Variants in ATAD3C observed in about 807,000 individuals in gnomAD.
ATAD3C encodes the protein ATPase family AAA domain-containing protein 3C.
Under a neutral mutation model 46.3 loss-of-function variants are expected in ATAD3C, and 38 were observed. That is an observed-to-expected ratio of 0.82 (90% confidence interval 0.63 to 1.08). ATAD3C has a LOEUF of 1.08. Among genes scored for constraint, ATAD3C ranks in the 50% least tolerant of loss-of-function variants. The pLI is 0.00. For missense variants in ATAD3C, 563 were observed against 572.7 expected (o/e 0.98, Z 0.17); for synonymous variants, 220 against 236.4 (o/e 0.93, Z 0.63).
In ATAD3C at chr1:1,468,757, CAG is replaced by C. The variant is rs1639188565; in HGVS notation, c.*230_*231del. 1.2e-6 allele frequency: 1 copy of C among 819,234 alleles called. No homozygotes were observed. The highest frequency in any genetic ancestry group is 1.9e-6 in the Non-Finnish European group (1 of 539,180). 50.7% of individuals were successfully genotyped at this position (819,234 alleles called of 1,614,324 possible). ...TGGGGCTTTCTGGAGGATTTAACCA[CAG>C]AGGGGTGGGCTTCACAGGAGGTGGC... On this transcript the variant is annotated 3_prime_UTR_variant, in exon 12 of 12. Coordinates refer to ENST00000378785, the MANE Select transcript of ATAD3C (RefSeq NM_001039211.3).
At chr1:1,463,077 G>GT (rs1639096248) in intron 11 of ATAD3C, among the ~76,000 whole-genome samples, 1 of 152,116 alleles carries the variant, frequency 6.6e-6, no homozygotes, top group South Asian at 2.1e-4. Flanking sequence ...GGTGGTGGGG[G>GT]TGGAGGGACG....
rs1236162765 is a variant in ATAD3C at position 1,457,608 on chromosome 1, AAAAAAAC to A, written c.741+435_741+441del. On this transcript the variant is annotated intron_variant, in intron 8 of 11. Transcript: ENST00000378785. ...GAGACTTCATCTCAAAAAAAAAAAAAAAAAAACAAAAAAAACAGCATTTTTTTAGGTC... is the reference window on the plus strand; with the variant it reads ...GAGACTTCATCTCAAAAAAAAAAAAAAAAAAAAACAGCATTTTTTTAGGTC... Among the ~76,000 whole-genome samples, 25 of 150,460 alleles carry A rather than the reference AAAAAAAC, an allele frequency of 1.7e-4. 1 individual carries two copies. The highest frequency in any genetic ancestry group is 5.6e-4 in the African/African-American group (23 of 40,732).
At chr1:1,460,688 G>A (rs1639041310) in intron 9 of ATAD3C, 62 bp from the exon 10 acceptor site, 1 of 1,502,836 alleles carries the variant, frequency 6.7e-7, no homozygotes, top group Non-Finnish European at 8.9e-7. Flanking sequence ...AGGAGCACCT[G>A]TTCCCCTGGG....
At position 1,457,078 on chromosome 1, in the gene ATAD3C, G is replaced by T. The variant is rs190267389; in HGVS notation, c.690-51G>T. 1.5e-3 allele frequency: 2,408 copies of T among 1,610,414 alleles called. 44 individuals are homozygous for T. Among genetic ancestry groups the T allele is most frequent in the South Asian group, 8.0e-3 (729 of 90,928 alleles). Reference sequence around the variant, plus strand: ...CCTGCCATGGCCGGACGCCGCTGTGGGCTGCTCCTGGCATCACTCTCACCC... The same window carrying T: ...CCTGCCATGGCCGGACGCCGCTGTGTGCTGCTCCTGGCATCACTCTCACCC... On this transcript the variant is annotated intron_variant, in intron 7 of 11. Coordinates refer to ENST00000378785, the MANE Select transcript of ATAD3C (RefSeq NM_001039211.3).
Position 1,462,792 on chromosome 1 carries a change from C to G in ATAD3C, c.1089+84C>G, listed in dbSNP as rs1013636378. 6.9e-7 allele frequency: 1 copy of G among 1,452,242 alleles called. No individual in the cohort carries two copies. The highest frequency in any genetic ancestry group is 1.4e-5 in the African/African-American group (1 of 71,298). The allele number at this position is 1,452,242 out of a possible 1,614,324, so 90.0% of individuals were successfully genotyped here. A position where few individuals can be genotyped will look rare whatever the true frequency, so the allele number is the denominator to read the frequency against. On this transcript the variant is annotated intron_variant, in intron 11 of 11. Transcript: ENST00000378785. This position sits in a 1 kb window ranked among gnomAD's most constrained non-coding sequence, Gnocchi z 4.5. ...GGTTGCGCCAGGCCTGTCCCAGCAC[C>G]GGTGTCACGTGGGAGCTTCTGTTGA... is the stretch of plus-strand genomic sequence containing the variant.
chr1:1,457,370 G>GCA, intron 8 of ATAD3C, among the ~76,000 whole-genome samples, 190 bp downstream of exon 8: 1 of 151,734 alleles, frequency 6.6e-6, no homozygotes, highest in African/African-American at 2.4e-5. Flanking sequence ...CGAGGCAAGT[G>GCA]GATCACGAGG....
chr1:1,452,078 G>A lies in ATAD3C; in HGVS notation c.108G>A (p.Glu36=). Residue 36 remains glutamate (E), a synonymous_variant, in exon 2 of 12, where the codon GAG becomes GAA. Coordinates refer to ENST00000378785, the MANE Select transcript of ATAD3C (RefSeq NM_001039211.3). ...TCAATGAGGATTTACGGAAGCAGGA[G>A]GAGTCCGTGCAGAAGCACCATCAGA... is the stretch of plus-strand genomic sequence containing the variant. ...QLVNEDLRKQ[E]ESVQKHHQTF... The A allele has an allele frequency of 6.2e-7, 1 of 1,613,710 alleles. No individual in the cohort carries two copies.
In ATAD3C at chr1:1,462,448, G is replaced by C; in HGVS notation, c.981-152G>C. 1 of 825,958 alleles carries C rather than the reference G, an allele frequency of 1.2e-6. No individual in the cohort carries two copies. Among genetic ancestry groups the C allele is most frequent in the East Asian group, 2.9e-5 (1 of 34,108 alleles). The allele number at this position is 825,958 out of a possible 1,614,324, so 51.2% of individuals were successfully genotyped here. On this transcript the variant is annotated intron_variant, in intron 10 of 11. Coordinates refer to ENST00000378785, the MANE Select transcript of ATAD3C (RefSeq NM_001039211.3). This position sits in a 1 kb window ranked among gnomAD's most constrained non-coding sequence, Gnocchi z 4.5. ...CTCAGCCCAGGCCTGGCTTGCGTCA[G>C]GAAGGGGGCGGAACTTGGCTGTCAC...
At position 1,468,636 on chromosome 1, in the gene ATAD3C, G is replaced by A. The variant is rs12089719; in HGVS notation, c.*106G>A. 0.056 allele frequency: 87,619 copies of A among 1,574,606 alleles called. 14,323 individuals carry two copies. Among genetic ancestry groups the A allele is most frequent in the East Asian group, 0.46 (20,175 of 44,014 alleles). ...AATACTCCCCGTAATAAAGTCCCAC[G>A]GGGGCCGCACCGCTGTGTCTATTGG... is the stretch of plus-strand genomic sequence containing the variant. On this transcript the variant is annotated 3_prime_UTR_variant, in exon 12 of 12. Transcript: ENST00000378785.
Position 1,450,104 on chromosome 1 carries a change from G to A in ATAD3C, c.-580G>A, listed in dbSNP as rs181945038. On this transcript the variant is annotated 5_prime_UTR_variant, in exon 1 of 12. Transcript: ENST00000378785. ...AGCACTTTGGGAGGCTGAGGTGGGC[G>A]GATCACGAGGTCAGGAGATCGAGAC... The A allele has an allele frequency of 5.7e-3, 869 of 152,404 alleles. 10 individuals carry two copies. Among genetic ancestry groups the A allele is most frequent in the Non-Finnish European group, 8.8e-3 (602 of 68,218 alleles). 9.4% of individuals were successfully genotyped at this position (152,404 alleles called of 1,614,324 possible).
rs375334051 is a variant in ATAD3C at position 1,467,213 on chromosome 1, C to T, written c.1090-1171C>T. ...GGTCCCGTGCTTCCTGGAGGGGTGGCTCCGTGAGCATCTGCTCACCCCCTT... is the reference window on the plus strand; with the variant it reads ...GGTCCCGTGCTTCCTGGAGGGGTGGTTCCGTGAGCATCTGCTCACCCCCTT... On this transcript the variant is annotated intron_variant, in intron 11 of 11. Transcript: ENST00000378785. Among the ~76,000 whole-genome samples the T allele has an allele frequency of 7.2e-5, 11 of 152,202 alleles. No homozygotes were observed. The East Asian group carries it at 1.7e-3, about 24-fold the overall frequency.
rs184156814 is a variant in ATAD3C at position 1,455,786 on chromosome 1, G to A, written c.439-5G>A. The A allele has an allele frequency of 3.8e-5, 62 of 1,613,102 alleles. No homozygotes were observed. Among genetic ancestry groups the A allele is most frequent in the East Asian group, 3.3e-4 (15 of 44,880 alleles). On this transcript the variant is annotated splice_polypyrimidine_tract_variant and splice_region_variant and intron_variant, in intron 5 of 11. Coordinates refer to ENST00000378785, the MANE Select transcript of ATAD3C (RefSeq NM_001039211.3). ...TGTCCTCCAAGCCCCTGTCTTCCTC[G>A]GCAGCCCAGCCTGGAAGCACGGGTG...
chr1:1,452,456 G>T (rs747573945), intron 3 of ATAD3C, 22 bp downstream of exon 3: 4 of 1,613,578 alleles, frequency 2.5e-6, no homozygotes, highest in Non-Finnish European at 1.7e-6. Flanking sequence ...CATAAAACAG[G>T]GCTGGCAGGT....
In ATAD3C at chr1:1,468,520, C is replaced by G; in HGVS notation, c.1226C>G (p.Pro409Arg). The G allele has an allele frequency of 6.2e-7, 1 of 1,606,660 alleles. No individual in the cohort carries two copies. Among genetic ancestry groups the G allele is most frequent in the Non-Finnish European group, 8.5e-7 (1 of 1,176,728 alleles). ...AGGCCTGGGCCCGAGGACGAGCAAC[C>G]CTCATCCTGAGTCCATGGGGAGACC... ...GERPGPEDEQPSS is the reference protein window; with the variant it reads ...GERPGPEDEQRSS Residue 409 changes from proline to arginine, a missense_variant, in exon 12 of 12, where the codon CCC becomes CGC. Physicochemically the swap from Pro to Arg is moderately radical, Grantham distance 103. Transcript: ENST00000378785.
intron 11 of ATAD3C, among the ~76,000 whole-genome samples, chr1:1,463,460 A>T (rs1639101782): frequency 6.6e-6 from 1 of 152,068 alleles, no homozygotes; most frequent in Non-Finnish European, 1.5e-5. Context: ...ATTTGAACGT[A>T]GGAGCCGGGG....
chr1:1,455,749 G>A (rs757528399), intron 5 of ATAD3C, 42 bp from the exon 6 acceptor site: 2 of 1,610,398 alleles, frequency 1.2e-6, no homozygotes, highest in African/African-American at 1.3e-5. Context: ...AGGCTTCTGT[G>A]GGTGCAGACT....
intron 2 of ATAD3C, 91 bp from the exon 3 acceptor site, chr1:1,452,274 C>T: frequency 6.3e-7 from 1 of 1,599,218 alleles, no homozygotes; most frequent in Non-Finnish European, 8.6e-7. Context: ...CAGGACCAGG[C>T]TGCTGTGTCA....
At chr1:1,451,468 T>C (rs1405269931) in intron 1 of ATAD3C, among the ~76,000 whole-genome samples, 1 of 152,036 alleles carries the variant, frequency 6.6e-6, no homozygotes, top group Non-Finnish European at 1.5e-5. Context: ...TGCCTCAGCC[T>C]CCCAAGTCGC....
At position 1,462,513 on chromosome 1, in the gene ATAD3C, G is replaced by A; in HGVS notation, c.981-87G>A. On this transcript the variant is annotated intron_variant, in intron 10 of 11. Transcript: ENST00000378785. The surrounding 1 kb of genome is among the most constrained non-coding windows in gnomAD (Gnocchi z 4.5). ...TCTCAAGGGGGCATCTGGCATGGGT[G>A]TCCGCCTGGCTGCCTGTCTTCCGGC... is the stretch of plus-strand genomic sequence containing the variant. 2 of 1,343,398 alleles carry A rather than the reference G, an allele frequency of 1.5e-6. No individual in the cohort carries two copies. The highest frequency in any genetic ancestry group is 2.5e-5 in the South Asian group (2 of 79,680). 83.2% of individuals were successfully genotyped at this position (1,343,398 alleles called of 1,614,324 possible). A position where few individuals can be genotyped will look rare whatever the true frequency, so the allele number is the denominator to read the frequency against.
Sources: gnomAD v4.1 joint callset for allele counts (sites outside exome capture counted in the v4.1 genomes callset) on GRCh38, gnomAD v4.1.1 for gene constraint, Gnocchi (gnomAD v3.1) non-coding constraint, MANE v1.5 for transcripts, NCBI Gene and HGNC (gene_info 2026-07-23, HGNC 2026-07-21) for gene names.